TMIE: variants seen among roughly 807,000 people sequenced by gnomAD.
TMIE encodes transmembrane inner ear, also known as transmembrane inner ear expressed protein.
Under a neutral mutation model 16.8 loss-of-function variants are expected in TMIE, and 14 were observed. The ratio of observed to expected loss-of-function variants is 0.83; its 90% CI spans 0.55 to 1.30. TMIE has a LOEUF of 1.30. Ranked by LOEUF, TMIE falls within the 50% of genes most tolerant of loss-of-function variation. The pLI is 0.00. For missense variants in TMIE, 204 were observed against 205.9 expected, an observed-to-expected ratio of 0.99 and a Z score of 0.06; for synonymous variants, 75 against 87.2, an observed-to-expected ratio of 0.86 and a Z score of 0.78.
chr3:46,701,006 G>A (rs1238071690), upstream of TMIE, among the ~76,000 whole-genome samples: 1 of 151,662 alleles, frequency 6.6e-6, no homozygotes, highest in East Asian at 1.9e-4. This position sits in a 1 kb window ranked among gnomAD's most constrained non-coding sequence, Gnocchi z 4.3. Flanking sequence ...CTGAGCGCCT[G>A]TCACCATGGC....
At chr3:46,707,083 C>T (rs754608512) in intron 2 of TMIE, among the ~76,000 whole-genome samples, 9 of 152,242 alleles carry the variant, frequency 5.9e-5, no homozygotes, top group Non-Finnish European at 8.8e-5. Flanking sequence ...TGTTCCCAGC[C>T]GAGGCTGAGA....
At chr3:46,694,408 C>G (rs919226051), upstream of TMIE, 1 of 152,308 alleles carries the variant, frequency 6.6e-6, no homozygotes, top group Non-Finnish European at 1.5e-5. Context: ...AACAAAGAAG[C>G]CCCCCGTCAG....
upstream of TMIE, among the ~76,000 whole-genome samples, chr3:46,699,860 T>C (rs1700449315): frequency 6.6e-6 from 1 of 152,210 alleles, no homozygotes; most frequent in Non-Finnish European, 1.5e-5. Flanking sequence ...TTAATTCATA[T>C]CATCCTCACA....
chr3:46,709,817 G>A lies in TMIE; in HGVS notation c.*129G>A. 1 of 1,550,268 alleles carries A rather than the reference G, an allele frequency of 6.5e-7. No individual in the cohort carries two copies. The highest frequency in any genetic ancestry group is 8.7e-7 in the Non-Finnish European group (1 of 1,143,744). The stretch of plus-strand genomic sequence containing the variant: ...GTCAGAGAGGGAAGCTGAGGCCCAT[G>A]GCCACATCCTCATGGCCCATCAGGG... On this transcript the variant is annotated 3_prime_UTR_variant, in exon 4 of 4. Transcript: ENST00000643606.
chr3:46,710,024 C>T lies in TMIE; in HGVS notation c.*336C>T. On this transcript the variant is annotated 3_prime_UTR_variant, in exon 4 of 4. Transcript: ENST00000643606. ...CCCTTTCTGCCAGGGATGGCAGTGG[C>T]TGTGAAGGAGTAATGGGATATGGGG... The T allele has an allele frequency of 2.4e-6, 1 of 409,472 alleles. No individual in the cohort carries two copies. The highest frequency in any genetic ancestry group is 4.6e-6 in the Non-Finnish European group (1 of 216,532). 25.4% of individuals were successfully genotyped at this position (409,472 alleles called of 1,614,324 possible).
intron 1 of TMIE, among the ~76,000 whole-genome samples, chr3:46,703,077 G>A (rs116286933): frequency 0.052 from 7,954 of 152,262 alleles, 728 homozygotes; most frequent in African/African-American, 0.18. Context: ...CCTACAGTCT[G>A]AGCAAGGCCT....
At position 46,701,660 on chromosome 3, in the gene TMIE, T is replaced by C; in HGVS notation, c.93+80T>C. The C allele has an allele frequency of 8.8e-7, 1 of 1,130,220 alleles. No individual in the cohort carries two copies. The highest frequency in any genetic ancestry group is 1.1e-6 in the Non-Finnish European group (1 of 885,756). 70.0% of individuals were successfully genotyped at this position (1,130,220 alleles called of 1,614,324 possible). A position where few individuals can be genotyped will look rare whatever the true frequency, so the allele number is the denominator to read the frequency against. The stretch of plus-strand genomic sequence containing the variant: ...TGGGGGAGAGGGGACGCCTTTTTGA[T>C]CCGGAGCTTGTTTGATCCCTTACTC... On this transcript the variant is annotated intron_variant, in intron 1 of 3. Coordinates refer to ENST00000643606, the MANE Select transcript of TMIE (RefSeq NM_147196.3). The surrounding 1 kb of genome is among the most constrained non-coding windows in gnomAD (Gnocchi z 4.3).
upstream of TMIE, among the ~76,000 whole-genome samples, chr3:46,699,057 C>CTTTTTTTTTTTTT (rs1246748003): frequency 1.5e-5 from 1 of 65,292 alleles, no homozygotes. Flanking sequence ...AATGGTGTTT[C>CTTTTTTTTTTTTT]TTATTTTTTT....
intron 1 of TMIE, among the ~76,000 whole-genome samples, chr3:46,695,539 A>C (rs916921685): frequency 1.2e-4 from 19 of 152,166 alleles, no homozygotes; most frequent in African/African-American, 4.1e-4. Context: ...GCCACCAGGC[A>C]TCCCTGGGGC....
intron 1 of TMIE, among the ~76,000 whole-genome samples, chr3:46,705,070 G>A (rs1011373292): frequency 6.6e-6 from 1 of 151,680 alleles, no homozygotes. Context: ...TCTAGACCCT[G>A]GGGCAGTGTC....
In TMIE at chr3:46,709,901, A is replaced by G; in HGVS notation, c.*213A>G. On this transcript the variant is annotated 3_prime_UTR_variant, in exon 4 of 4. Transcript: ENST00000643606. ...CCCCAGCCTAGGCTTGGCTCCTTTC[A>G]CCCCATCCACATGGGTACTGTCTCG... 1.1e-6 allele frequency: 1 copy of G among 940,188 alleles called. No homozygotes were observed. Among genetic ancestry groups the G allele is most frequent in the Non-Finnish European group, 1.6e-6 (1 of 637,498 alleles). The allele number at this position is 940,188 out of a possible 1,614,324, so 58.2% of individuals were successfully genotyped here.
At chr3:46,707,767 G>A (rs1700570222) in intron 2 of TMIE, among the ~76,000 whole-genome samples, 2 of 152,230 alleles carry the variant, frequency 1.3e-5, no homozygotes, top group African/African-American at 4.8e-5. Flanking sequence ...GGCCCACTGA[G>A]CTCCTTAGGA....
upstream of TMIE, among the ~76,000 whole-genome samples, chr3:46,697,040 C>T (rs1575466504): frequency 1.3e-5 from 2 of 152,084 alleles, no homozygotes; most frequent in Admixed American, 6.5e-5. Context: ...TCCTGTGTGA[C>T]CTTAGGCAGG....
chr3:46,703,893 C>T (rs887326054), intron 1 of TMIE, among the ~76,000 whole-genome samples: 3 of 152,166 alleles, frequency 2.0e-5, no homozygotes, highest in African/African-American at 4.8e-5. Context: ...AGGGACTTCT[C>T]GTGTCTGTCC....
At chr3:46,707,436 A>T (rs2106784801) in intron 2 of TMIE, among the ~76,000 whole-genome samples, 1 of 152,250 alleles carries the variant, frequency 6.6e-6, no homozygotes, top group Non-Finnish European at 1.5e-5. Flanking sequence ...GTTACCTTCC[A>T]TTGCCGGATC....
rs1700598015 is a variant in TMIE at position 46,709,739 on chromosome 3, CG to C, written c.*55del. ...CGGGCCCTGGAGCTCAAGCCGTGGC[CG>C]GGGTCCAGGCATGTTGGACTCTGAG... is the stretch of plus-strand genomic sequence containing the variant. On this transcript the variant is annotated 3_prime_UTR_variant, in exon 4 of 4. Transcript: ENST00000643606. 1 of 1,610,390 alleles carries C rather than the reference CG, an allele frequency of 6.2e-7. No individual in the cohort carries two copies. Among genetic ancestry groups the C allele is most frequent in the Admixed American group, 1.7e-5 (1 of 59,422 alleles).
intron 2 of TMIE, 22 bp from the exon 3 acceptor site, chr3:46,709,104 G>C: frequency 6.2e-7 from 1 of 1,613,884 alleles, no homozygotes; most frequent in Non-Finnish European, 8.5e-7. Flanking sequence ...CCCCAGCCAA[G>C]CCTGCTCTGT....
chr3:46,696,899 A>G (rs1221104389), upstream of TMIE, among the ~76,000 whole-genome samples: 1 of 152,024 alleles, frequency 6.6e-6, no homozygotes, highest in Non-Finnish European at 1.5e-5. Flanking sequence ...GAGGTCCCCA[A>G]CCCCAGATAT....
Position 46,709,629 on chromosome 3 carries a change from G to A in TMIE, c.412G>A (p.Ala138Thr), listed in dbSNP as rs1478548382. ...KKKKDSVDTV[A>T]IKVEEDEKNE... The stretch of plus-strand genomic sequence containing the variant: ...GAAGAAGGACAGTGTGGACACAGTG[G>A]CCATCAAAGTAGAGGAGGATGAGAA... Residue 138 changes from alanine (A) to threonine (T), a missense_variant, in exon 4 of 4, where the codon GCC (alanine) becomes ACC (threonine). By Grantham distance (58) the Ala-to-Thr change is moderately conservative. Transcript: ENST00000643606. The A allele has an allele frequency of 3.1e-6, 5 of 1,613,742 alleles. No individual in the cohort carries two copies. The highest frequency in any genetic ancestry group is 4.2e-6 in the Non-Finnish European group (5 of 1,179,838).
Sources: gnomAD v4.1 joint callset for allele counts (sites outside exome capture counted in the v4.1 genomes callset) on GRCh38, gnomAD v4.1.1 for gene constraint, Gnocchi (gnomAD v3.1) non-coding constraint, MANE v1.5 for transcripts, NCBI Gene and HGNC (gene_info 2026-07-23, HGNC 2026-07-21) for gene names.